The following CEP128 variants were observed in gnomAD, a reference collection of about 807,000 sequenced individuals.
CEP128 encodes the protein centrosomal protein 128.
In CEP128, 132 loss-of-function variants were observed where a neutral mutation model predicts 156.7. That is an observed-to-expected ratio of 0.84 (90% CI 0.73 to 0.97). CEP128 has a LOEUF of 0.97. CEP128 is among the 50% of genes least tolerant of loss of function. The pLI is 0.00. For missense variants in CEP128, 1,252 were observed against 1,281.9 expected, an observed-to-expected ratio of 0.98 and a Z score of 0.36; for synonymous variants, 469 against 448.9, an observed-to-expected ratio of 1.04 and a Z score of -0.57.
At chr14:80,913,918 T>C (rs976646354) in intron 4 of CEP128, among the ~76,000 whole-genome samples, 3 of 152,202 alleles carry the variant, frequency 2.0e-5, no homozygotes, top group Non-Finnish European at 4.4e-5. Flanking sequence ...ACTACAGCAA[T>C]AGAAATTTTA....
chr14:80,830,845 A>G (rs2140042091), intron 13 of CEP128: 1 of 271,602 alleles, frequency 3.7e-6, no homozygotes, highest in African/African-American at 2.3e-5. Flanking sequence ...TGTCTGTAGA[A>G]AGGGTTCAAT....
chr14:80,777,373 G>C (rs1382667392), intron 16 of CEP128, among the ~76,000 whole-genome samples: 1 of 152,126 alleles, frequency 6.6e-6, no homozygotes, highest in Non-Finnish European at 1.5e-5. Context: ...GAACCAAAAG[G>C]CATGCCCTCA....
chr14:80,590,489 C>A (rs967602449), intron 19 of CEP128, among the ~76,000 whole-genome samples: 9 of 151,776 alleles, frequency 5.9e-5, no homozygotes, highest in Admixed American at 2.6e-4. Flanking sequence ...AACCCAGAAT[C>A]CTATATCTAG....
At chr14:80,870,899 G>C (rs1468482996) in intron 8 of CEP128, among the ~76,000 whole-genome samples, 2 of 151,332 alleles carry the variant, frequency 1.3e-5, no homozygotes, top group South Asian at 2.1e-4. Flanking sequence ...ATTCAGTAAA[G>C]TTGCAGAAAT....
intron 19 of CEP128, among the ~76,000 whole-genome samples, chr14:80,622,270 C>T (rs1050849538): frequency 1.3e-5 from 2 of 152,036 alleles, no homozygotes; most frequent in Non-Finnish European, 2.9e-5. Context: ...TGAGATGAAC[C>T]TCTAAGCTGT....
intron 21 of CEP128, among the ~76,000 whole-genome samples, chr14:80,556,985 A>T (rs941716969): frequency 1.2e-4 from 18 of 152,204 alleles, no homozygotes; most frequent in Admixed American, 3.3e-4. Context: ...TAGCACTATT[A>T]CTGAGCATTT....
chr14:80,562,586 A>T (rs1479837471), intron 20 of CEP128, among the ~76,000 whole-genome samples: 1 of 152,044 alleles, frequency 6.6e-6, no homozygotes, highest in Non-Finnish European at 1.5e-5. Flanking sequence ...TCTTTATATA[A>T]AAAATTATGC....
chr14:80,497,428 T>C lies in CEP128; in HGVS notation c.*51A>G, dbSNP rs374474610. 30 of 1,204,548 alleles carry C rather than the reference T, an allele frequency of 2.5e-5. No homozygotes were observed. In the Admixed American group the frequency reaches 3.3e-4, roughly 13 times the overall value. The allele number at this position is 1,204,548 out of a possible 1,614,324, so 74.6% of individuals were successfully genotyped here. ...GGCCAAATTGCTGTAAGAATAGAGA[T>C]GTTATTATTTGTAACATACTCATGT... is the stretch of plus-strand genomic sequence containing the variant. On this transcript the variant is annotated 3_prime_UTR_variant, in exon 25 of 25. Transcript: ENST00000555265.
chr14:80,564,951 A>G (rs1044604789), intron 20 of CEP128, among the ~76,000 whole-genome samples: 1 of 151,874 alleles, frequency 6.6e-6, no homozygotes, highest in Non-Finnish European at 1.5e-5. Flanking sequence ...CCCAGCTACT[A>G]GGGAGGCTGA....
intron 8 of CEP128, among the ~76,000 whole-genome samples, chr14:80,893,591 C>T (rs999388425): frequency 4.6e-5 from 7 of 151,326 alleles, no homozygotes; most frequent in African/African-American, 1.7e-4. Flanking sequence ...CTACATATAT[C>T]CCATAACATC....
At chr14:80,793,408 T>C (rs1412428071) in intron 13 of CEP128, among the ~76,000 whole-genome samples, 1 of 152,232 alleles carries the variant, frequency 6.6e-6, no homozygotes, top group East Asian at 1.9e-4. Flanking sequence ...GCGAACAATG[T>C]GCATTATTTT....
chr14:80,671,126 G>A (rs1460809105), intron 19 of CEP128, among the ~76,000 whole-genome samples: 1 of 152,146 alleles, frequency 6.6e-6, no homozygotes, highest in Non-Finnish European at 1.5e-5. Flanking sequence ...ATCAAACAGA[G>A]ATCCAGAAAG....
intron 19 of CEP128, among the ~76,000 whole-genome samples, chr14:80,598,850 T>C (rs1892455106): frequency 4.6e-5 from 7 of 152,092 alleles, no homozygotes; most frequent in Admixed American, 4.6e-4. Flanking sequence ...AACAGATTAG[T>C]GACTGCCAGG....
intron 4 of CEP128, among the ~76,000 whole-genome samples, chr14:80,910,008 T>C (rs1884115654): frequency 6.6e-6 from 1 of 152,222 alleles, no homozygotes; most frequent in Non-Finnish European, 1.5e-5. Flanking sequence ...TGGTACTAAC[T>C]ACAATGTTAT....
chr14:80,713,991 C>T (rs1384432592), intron 19 of CEP128, among the ~76,000 whole-genome samples: 1 of 152,050 alleles, frequency 6.6e-6, no homozygotes, highest in Admixed American at 6.6e-5. Flanking sequence ...TCTCACTCTG[C>T]TGAGTAGTGA....
chr14:80,518,687 C>T (rs1888603376), intron 23 of CEP128, among the ~76,000 whole-genome samples: 1 of 152,130 alleles, frequency 6.6e-6, no homozygotes, highest in African/African-American at 2.4e-5. Context: ...TATTCCTTCC[C>T]TTTACAATTG....
chr14:80,690,302 G>C (rs1310311726), intron 19 of CEP128, among the ~76,000 whole-genome samples: 1 of 149,978 alleles, frequency 6.7e-6, no homozygotes, highest in African/African-American at 2.5e-5. Context: ...TGTAATCTCA[G>C]CTACTCAGGA....
chr14:80,610,859 C>T (rs767973693), intron 19 of CEP128, among the ~76,000 whole-genome samples: 52 of 151,800 alleles, frequency 3.4e-4, no homozygotes, highest in African/African-American at 6.0e-4. Flanking sequence ...TAAAAAAGAA[C>T]GAGGAAGTTC....
chr14:80,745,984 TAAGATA>T (rs1321241441), intron 18 of CEP128, among the ~76,000 whole-genome samples: 6 of 151,954 alleles, frequency 3.9e-5, no homozygotes, highest in Non-Finnish European at 5.9e-5. Flanking sequence ...AAAATAACAT[TAAGATA>T]ATCATATTTA....
Sources: allele counts gnomAD v4.1 joint callset (sites outside exome capture counted in the v4.1 genomes callset), GRCh38; gene constraint gnomAD v4.1.1; transcripts MANE v1.5; gene names NCBI Gene and HGNC (gene_info 2026-07-23, HGNC 2026-07-21).